Variants in BCL2 observed in about 807,000 individuals in gnomAD.
BCL2 encodes the protein BCL2 apoptosis regulator.
In BCL2, 1 loss-of-function variant was observed where a neutral mutation model predicts 14.2. That is an observed-to-expected ratio of 0.07 (90% CI 0.02 to 0.33). The LOEUF is 0.33. Ranked by LOEUF, BCL2 falls within the 10% of genes least tolerant of loss-of-function variation. The pLI, the probability that BCL2 is intolerant of heterozygous loss-of-function variation, is 0.99. For synonymous variants in BCL2, 151 were observed against 137.2 expected (o/e 1.10, Z -0.70); for missense variants, 247 against 305.9 (o/e 0.81, Z 1.44).
chr18:63,185,886 T>C (rs1915583888), intron 2 of BCL2, among the ~76,000 whole-genome samples: 1 of 152,222 alleles, frequency 6.6e-6, no homozygotes, highest in Non-Finnish European at 1.5e-5. Context: ...TACTATCTTT[T>C]TCCATTACAT....
At chr18:63,163,577 G>T (rs1485888475) in intron 2 of BCL2, among the ~76,000 whole-genome samples, 1 of 152,068 alleles carries the variant, frequency 6.6e-6, no homozygotes, top group Non-Finnish European at 1.5e-5. Flanking sequence ...ATTGCATGTT[G>T]CCTGAAAGAG....
intron 2 of BCL2, among the ~76,000 whole-genome samples, chr18:63,198,199 GAC>G (rs772246418): frequency 6.7e-6 from 1 of 148,832 alleles, no homozygotes; most frequent in Non-Finnish European, 1.5e-5. Flanking sequence ...CACACACAGA[GAC>G]ACACACAGAC....
chr18:63,248,354 G>T (rs1911209762), intron 2 of BCL2, among the ~76,000 whole-genome samples: 1 of 152,214 alleles, frequency 6.6e-6, no homozygotes, highest in Non-Finnish European at 1.5e-5. Context: ...TGCCAACATT[G>T]AGATGCCATG....
chr18:63,229,550 C>T (rs2144174367), intron 2 of BCL2, among the ~76,000 whole-genome samples: 1 of 152,270 alleles, frequency 6.6e-6, no homozygotes, highest in South Asian at 2.1e-4. Flanking sequence ...CTCATGACAT[C>T]TAGTTGTTTC....
chr18:63,225,860 G>A (rs1910529654), intron 2 of BCL2, among the ~76,000 whole-genome samples: 1 of 152,220 alleles, frequency 6.6e-6, no homozygotes, highest in South Asian at 2.1e-4. Context: ...ACAGGTTACA[G>A]TACTCTTTTA....
At chr18:63,245,926 TCA>T (rs1031482289) in intron 2 of BCL2, among the ~76,000 whole-genome samples, 1 of 152,224 alleles carries the variant, frequency 6.6e-6, no homozygotes, top group African/African-American at 2.4e-5. Flanking sequence ...TTTCTTCTAC[TCA>T]CAGTATTTTT....
intron 2 of BCL2, among the ~76,000 whole-genome samples, chr18:63,160,504 G>A (rs2144618226): frequency 6.6e-6 from 1 of 152,248 alleles, no homozygotes. Context: ...CTCTGATTAG[G>A]AGGGCTCAAC....
chr18:63,275,974 T>A (rs1404727117), intron 2 of BCL2, among the ~76,000 whole-genome samples: 2 of 152,224 alleles, frequency 1.3e-5, no homozygotes, highest in African/African-American at 4.8e-5. Flanking sequence ...AAGGGAGTGA[T>A]GGTTGAAACC....
intron 2 of BCL2, among the ~76,000 whole-genome samples, chr18:63,198,225 C>T: frequency 6.6e-6 from 1 of 151,356 alleles, no homozygotes; most frequent in South Asian, 2.1e-4. Context: ...CACAAACACA[C>T]ACAGACACAC....
intron 2 of BCL2, among the ~76,000 whole-genome samples, chr18:63,300,452 TTCTC>T (rs544913458): frequency 6.4e-5 from 9 of 141,718 alleles, no homozygotes; most frequent in Admixed American, 1.4e-4. Flanking sequence ...CTTGTGCTCC[TTCTC>T]TCTCTCTCTC....
At chr18:63,198,826 GACA>G (rs1568231535) in intron 2 of BCL2, among the ~76,000 whole-genome samples, 46 of 4,652 alleles carry the variant, frequency 9.9e-3, no homozygotes, top group South Asian at 0.034. Flanking sequence ...CAGACACACA[GACA>G]TACACAGACA....
chr18:63,132,201 A>T (rs1372175195), intron 2 of BCL2, among the ~76,000 whole-genome samples: 1 of 152,230 alleles, frequency 6.6e-6, no homozygotes, highest in Non-Finnish European at 1.5e-5. Context: ...CCTTCAGCAG[A>T]TAACCCAGCC....
chr18:63,228,893 G>A (rs927790647), intron 2 of BCL2, among the ~76,000 whole-genome samples: 1 of 152,166 alleles, frequency 6.6e-6, no homozygotes, highest in Admixed American at 6.5e-5. Flanking sequence ...TATTTTTAGT[G>A]GAGATAAGGT....
chr18:63,173,618 C>A (rs554984407), intron 2 of BCL2, among the ~76,000 whole-genome samples: 3 of 152,290 alleles, frequency 2.0e-5, no homozygotes, highest in African/African-American at 7.2e-5. Context: ...GAAAAAAGCC[C>A]ATCTCTCTCC....
At chr18:63,315,117 C>A (rs1423645442) in intron 2 of BCL2, 2 of 152,218 alleles carry the variant, frequency 1.3e-5, no homozygotes, top group Non-Finnish European at 2.9e-5. Context: ...CTTTAACGTG[C>A]ACACAAACCA....
At chr18:63,141,365 C>G (rs908378294) in intron 2 of BCL2, among the ~76,000 whole-genome samples, 4 of 152,242 alleles carry the variant, frequency 2.6e-5, no homozygotes, top group Admixed American at 6.5e-5. Context: ...CTCTTCTCCC[C>G]ACCTGGCCTC....
chr18:63,243,678 T>C (rs528225338), intron 2 of BCL2, among the ~76,000 whole-genome samples: 2 of 152,338 alleles, frequency 1.3e-5, no homozygotes, highest in South Asian at 2.1e-4. Context: ...TGGGAATCTA[T>C]GGAGAACACC....
intron 2 of BCL2, among the ~76,000 whole-genome samples, chr18:63,154,900 T>C (rs1914734178): frequency 6.6e-6 from 1 of 152,186 alleles, no homozygotes; most frequent in Admixed American, 6.5e-5. Context: ...AACAGGTCCA[T>C]AAAGATTGTG....
rs936786917 is a variant in BCL2, at chr18:63,123,791, C to A, written c.*4834G>T. ...CAATCCACTGTCACTCTTGCAAATT[C>A]TACCTTGGAGGGAAAAACTTAATGA... On this transcript the variant is annotated 3_prime_UTR_variant, in exon 3 of 3. Coordinates refer to ENST00000333681, the MANE Select transcript of BCL2 (RefSeq NM_000633.3). The A allele has an allele frequency of 2.3e-5, 5 of 219,432 alleles. No homozygotes were observed. Among genetic ancestry groups the A allele is most frequent in the Non-Finnish European group, 4.6e-5 (5 of 109,348 alleles). 13.6% of individuals were successfully genotyped at this position (219,432 alleles called of 1,614,324 possible).
Sources: gnomAD v4.1 joint callset for allele counts (sites outside exome capture counted in the v4.1 genomes callset) on GRCh38, gnomAD v4.1.1 for gene constraint, MANE v1.5 for transcripts, NCBI Gene and HGNC (gene_info 2026-07-23, HGNC 2026-07-21) for gene names.